Variants in IRAK4 observed in about 807,000 individuals in gnomAD.
The protein encoded by IRAK4 is interleukin-1 receptor-associated kinase 4.
Under a neutral mutation model 51.8 loss-of-function variants are expected in IRAK4, and 44 were observed. The observed-to-expected ratio is 0.85, with a 90% confidence interval of 0.67 to 1.09. The LOEUF is 1.09. Among genes scored for constraint, IRAK4 ranks in the 50% least tolerant of loss-of-function variants. IRAK4 has a pLI of 0.00. For synonymous variants in IRAK4, 149 were observed against 174.1 expected (o/e 0.86, Z 1.13); for missense variants, 487 against 538.0 (o/e 0.91, Z 0.94).
Position 43,772,185 on chromosome 12 carries a change from GTT to G in IRAK4, c.314_315del (p.Val105AlafsTer5), listed in dbSNP as rs763078267. 1.2e-6 allele frequency: 2 copies of G among 1,612,630 alleles called. No individual in the cohort carries two copies. Among genetic ancestry groups the G allele is most frequent in the Non-Finnish European group, 1.7e-6 (2 of 1,179,374 alleles). On this transcript the variant is annotated frameshift_variant, in exon 4 of 12. Transcript: ENST00000613694. LOFTEE classifies it high-confidence loss of function. Reference sequence around the variant, plus strand: ...TATCTTACTTCATTTGTTAGATGCTGTTCCCAAAACTGCTAATACACTACCTT... The same window carrying G: ...TATCTTACTTCATTTGTTAGATGCTGCCCAAAACTGCTAATACACTACCTT... ...APASLLLPDAVPKTANTLPSK... is the reference protein window; with the variant it reads ...APASLLLPDAXPKTANTLPSK...
intron 2 of IRAK4, 165 bp from the exon 3 acceptor site, chr12:43,771,055 C>T (rs1940705776): frequency 1.4e-6 from 1 of 710,992 alleles, no homozygotes; most frequent in South Asian, 1.5e-5. Context: ...AGCAAGAAGG[C>T]CCTAACCAGA....
rs1206861423 is a variant in IRAK4 at position 43,768,126 on chromosome 12, A to G, written c.15A>G (p.Ile5Met). Residue 5 changes from isoleucine (I) to methionine (M), a missense_variant, in exon 2 of 12, where the codon ATA becomes ATG. By Grantham distance (10) the Ile-to-Met change is conservative. Coordinates refer to ENST00000613694, the MANE Select transcript of IRAK4 (RefSeq NM_016123.4). ...AGGAATAGAAGATGAACAAACCCAT[A>G]ACACCATCAACATATGTGCGCTGCC... MNKP[I>M]TPSTYVRCLN... 7 of 1,613,534 alleles carry G rather than the reference A, an allele frequency of 4.3e-6. No homozygotes were observed. The highest frequency in any genetic ancestry group is 5.9e-6 in the Non-Finnish European group (7 of 1,179,754).
chr12:43,773,871 A>G (rs368690475), intron 5 of IRAK4, 94 bp from the exon 6 acceptor site: 1 of 771,422 alleles, frequency 1.3e-6, no homozygotes. Flanking sequence ...ATTGTTTTAA[A>G]GAAAGGGAGA....
intron 1 of IRAK4, among the ~76,000 whole-genome samples, chr12:43,759,877 A>G (rs571339542): frequency 6.6e-6 from 1 of 151,960 alleles, no homozygotes; most frequent in East Asian, 1.9e-4. Context: ...CAAAAGAAAA[A>G]AAAAAAAAAA....
rs1487593217 is a variant in IRAK4 at position 43,782,191 on chromosome 12, T to C, written c.942-116T>C. On this transcript the variant is annotated intron_variant, in intron 8 of 11. Coordinates refer to ENST00000613694, the MANE Select transcript of IRAK4 (RefSeq NM_016123.4). ...CACTCTGTAAATATGTATGTACATA[T>C]GCATGTATGCATATACATATATACA... is the stretch of plus-strand genomic sequence containing the variant. The C allele has an allele frequency of 4.2e-6, 3 of 709,532 alleles. No homozygotes were observed. In the African/African-American group the frequency reaches 5.3e-5, roughly 13 times the overall value. 44.0% of individuals were successfully genotyped at this position (709,532 alleles called of 1,614,324 possible). A position where few individuals can be genotyped will look rare whatever the true frequency, so the allele number is the denominator to read the frequency against.
At chr12:43,767,681 T>C (rs906560925) in intron 1 of IRAK4, among the ~76,000 whole-genome samples, 1 of 151,290 alleles carries the variant, frequency 6.6e-6, no homozygotes, top group Admixed American at 6.6e-5. Flanking sequence ...AAATTTTAAT[T>C]GTAAATAAGT....
intron 8 of IRAK4, among the ~76,000 whole-genome samples, chr12:43,779,944 G>A (rs779445520): frequency 2.6e-5 from 4 of 152,108 alleles, no homozygotes; most frequent in Non-Finnish European, 4.4e-5. Context: ...ATTAAGAAAA[G>A]GTCACAAGAT....
At chr12:43,761,158 T>C (rs1478236146) in intron 1 of IRAK4, among the ~76,000 whole-genome samples, 1 of 152,222 alleles carries the variant, frequency 6.6e-6, no homozygotes, top group South Asian at 2.1e-4. Flanking sequence ...TCACCAGCTT[T>C]TGTTCATAAT....
chr12:43,780,173 A>T (rs950635232), intron 8 of IRAK4, among the ~76,000 whole-genome samples: 1 of 152,210 alleles, frequency 6.6e-6, no homozygotes, highest in Non-Finnish European at 1.5e-5. Context: ...TGGTGACTTT[A>T]TGGAAACCCA....
intron 5 of IRAK4, among the ~76,000 whole-genome samples, chr12:43,773,476 T>C (rs4251476): frequency 0.015 from 2,270 of 152,262 alleles, 55 homozygotes; most frequent in African/African-American, 0.052. Flanking sequence ...ATTAAAATTT[T>C]TTTTATCTGT....
At chr12:43,766,445 T>C (rs866145688) in intron 1 of IRAK4, among the ~76,000 whole-genome samples, 2 of 152,124 alleles carry the variant, frequency 1.3e-5, no homozygotes, top group Non-Finnish European at 2.9e-5. Flanking sequence ...CATAACATTC[T>C]TGCAGCATTT....
chr12:43,767,587 T>G (rs1191353580), intron 1 of IRAK4, among the ~76,000 whole-genome samples: 2 of 151,596 alleles, frequency 1.3e-5, no homozygotes, highest in Admixed American at 6.6e-5. Flanking sequence ...ATGTGAAAAG[T>G]GGGTGGGTGG....
At chr12:43,773,872 G>A (rs1418256614) in intron 5 of IRAK4, 93 bp from the exon 6 acceptor site, 1 of 777,262 alleles carries the variant, frequency 1.3e-6, no homozygotes, top group East Asian at 2.6e-5. Flanking sequence ...TTGTTTTAAA[G>A]AAAGGGAGAT....
intron 10 of IRAK4, among the ~76,000 whole-genome samples, chr12:43,785,803 C>T (rs985820698): frequency 2.6e-5 from 4 of 151,664 alleles, no homozygotes; most frequent in African/African-American, 4.8e-5. Flanking sequence ...TGGTATTGCT[C>T]CTAGGCTACA....
At chr12:43,783,960 A>G (rs1382077653) in intron 10 of IRAK4, among the ~76,000 whole-genome samples, 1 of 152,196 alleles carries the variant, frequency 6.6e-6, no homozygotes, top group East Asian at 1.9e-4. Flanking sequence ...CTTTGTGGGT[A>G]AAATGAGAAT....
chr12:43,781,465 A>G (rs915902881), intron 8 of IRAK4, among the ~76,000 whole-genome samples: 10 of 152,296 alleles, frequency 6.6e-5, no homozygotes, highest in African/African-American at 2.4e-4. Context: ...CATGTATACC[A>G]TATCATGTTT....
At chr12:43,762,602 G>A (rs1939680688) in intron 1 of IRAK4, among the ~76,000 whole-genome samples, 1 of 152,126 alleles carries the variant, frequency 6.6e-6, no homozygotes, top group Non-Finnish European at 1.5e-5. Context: ...GGTGAATTTG[G>A]TTGGGTCCTA....
Position 43,786,817 on chromosome 12 carries a change from A to G in IRAK4, c.*102A>G, listed in dbSNP as rs1374768877. 1.7e-5 allele frequency: 17 copies of G among 1,003,752 alleles called. No individual in the cohort carries two copies. Among genetic ancestry groups the G allele is most frequent in the Non-Finnish European group, 2.0e-5 (13 of 644,388 alleles). The allele number at this position is 1,003,752 out of a possible 1,614,324, so 62.2% of individuals were successfully genotyped here. On this transcript the variant is annotated 3_prime_UTR_variant, in exon 12 of 12. Transcript: ENST00000613694. Reference sequence around the variant, plus strand: ...TATTCTTCTTTACCTTTAACAAGGCATAGGCTGTTGCAGGACAGTGGTTAT... The same window carrying G: ...TATTCTTCTTTACCTTTAACAAGGCGTAGGCTGTTGCAGGACAGTGGTTAT...
intron 10 of IRAK4, 142 bp downstream of exon 10, chr12:43,783,866 G>A (rs913511509): frequency 1.2e-5 from 8 of 659,368 alleles, no homozygotes; most frequent in African/African-American, 1.8e-5. Context: ...TATGGAAAAA[G>A]CATTAAATAT....
Sources: gnomAD v4.1 joint callset for allele counts (sites outside exome capture counted in the v4.1 genomes callset) on GRCh38, gnomAD v4.1.1 for gene constraint, MANE v1.5 for transcripts, NCBI Gene and HGNC (gene_info 2026-07-23, HGNC 2026-07-21) for gene names.